TIPIN: variants seen among roughly 807,000 people sequenced by gnomAD.
TIPIN encodes TIMELESS interacting protein, also known as TIMELESS-interacting protein.
TIPIN carries 29 observed loss-of-function variants against 35.6 expected under a neutral mutation model. The observed-to-expected ratio is 0.82, with a 90% CI of 0.61 to 1.11. TIPIN has a LOEUF of 1.11. Ranked by LOEUF, TIPIN falls within the 50% of genes most tolerant of loss-of-function variation. TIPIN has a pLI of 0.00. For missense variants in TIPIN, 296 were observed against 345.4 expected, an observed-to-expected ratio of 0.86 and a Z score of 1.13; for synonymous variants, 102 against 121.5, an observed-to-expected ratio of 0.84 and a Z score of 1.06.
intron 6 of TIPIN, among the ~76,000 whole-genome samples, chr15:66,342,509 A>G (rs1202153945): frequency 6.6e-6 from 1 of 151,724 alleles, no homozygotes; most frequent in Non-Finnish European, 1.5e-5. Context: ...GATTACAGGC[A>G]CCCGCCACCA....
At chr15:66,337,250 C>CCTG in intron 7 of TIPIN, 69 bp from the exon 8 acceptor site, 1 of 1,271,214 alleles carries the variant, frequency 7.9e-7, no homozygotes, top group Non-Finnish European at 1.1e-6. Context: ...GAGTACAAAC[C>CCTG]TCTTCAAAAG....
intron 1 of TIPIN, chr15:66,382,362 A>G (rs2093321511): frequency 1.0e-6 from 1 of 985,160 alleles, no homozygotes; most frequent in African/African-American, 1.7e-5. Context: ...GGTCTGAGTT[A>G]AATGTACTCC....
At chr15:66,350,879 G>A (rs1163249837) in intron 4 of TIPIN, among the ~76,000 whole-genome samples, 5 of 146,372 alleles carry the variant, frequency 3.4e-5, no homozygotes, top group Admixed American at 7.0e-5. Context: ...AGCTGGCAGT[G>A]AGCCTAGATT....
intron 1 of TIPIN, among the ~76,000 whole-genome samples, chr15:66,362,380 C>T (rs980129070): frequency 5.9e-5 from 9 of 151,846 alleles, no homozygotes; most frequent in African/African-American, 1.9e-4. Flanking sequence ...TAGCAGGGAA[C>T]CCAGTCCACC....
Position 66,336,921 on chromosome 15 carries a change from C to T in TIPIN, c.*37G>A, listed in dbSNP as rs754033638. 1.8e-5 allele frequency: 28 copies of T among 1,575,076 alleles called. No homozygotes were observed. The South Asian group carries it at 2.6e-4, about 14-fold the overall frequency. ...ACATAGTAACGCCAAGCTTGCAGGA[C>T]GATGACTTAACAGATACATTTTCTC... On this transcript the variant is annotated 3_prime_UTR_variant, in exon 8 of 8. Coordinates refer to ENST00000261881, the MANE Select transcript of TIPIN (RefSeq NM_017858.3).
chr15:66,356,555 C>A, intron 1 of TIPIN, 84 bp downstream of exon 1: 1 of 955,222 alleles, frequency 1.0e-6, no homozygotes, highest in Non-Finnish European at 1.2e-6. Context: ...CTGTCTGGCT[C>A]CCTGGCTCTT....
chr15:66,369,999 A>G (rs1327544713), intron 1 of TIPIN, among the ~76,000 whole-genome samples: 1 of 152,192 alleles, frequency 6.6e-6, no homozygotes, highest in Non-Finnish European at 1.5e-5. Flanking sequence ...AACCCCAATT[A>G]TGACATGTAT....
intron 1 of TIPIN, among the ~76,000 whole-genome samples, chr15:66,372,097 T>C (rs72748399): frequency 1.2e-3 from 188 of 152,282 alleles, no homozygotes; most frequent in Non-Finnish European, 1.4e-3. Context: ...GCCTAGTTGG[T>C]AATTGTTTTA....
At chr15:66,379,193 T>C (rs1426974042) in intron 1 of TIPIN, 23 of 1,156,270 alleles carry the variant, frequency 2.0e-5, no homozygotes, top group African/African-American at 4.7e-5. Flanking sequence ...CTGGCCTTGA[T>C]TGCATCTTTG....
chr15:66,373,079 A>G (rs570631934), intron 1 of TIPIN, among the ~76,000 whole-genome samples: 1 of 152,294 alleles, frequency 6.6e-6, no homozygotes, highest in Non-Finnish European at 1.5e-5. Context: ...AGTAGGTTAC[A>G]CTATCTAGGT....
chr15:66,364,165 T>G (rs1012191368), intron 1 of TIPIN, among the ~76,000 whole-genome samples: 4 of 135,630 alleles, frequency 2.9e-5, no homozygotes, highest in Middle Eastern at 3.5e-3. Flanking sequence ...TTTCTTTTTT[T>G]TTTTTTTTTT....
chr15:66,374,706 A>G (rs1266190256), intron 1 of TIPIN, among the ~76,000 whole-genome samples: 1 of 151,976 alleles, frequency 6.6e-6, no homozygotes, highest in Admixed American at 6.6e-5. Flanking sequence ...CACCCTTCCA[A>G]GTAGCTGGGA....
intron 1 of TIPIN, among the ~76,000 whole-genome samples, chr15:66,362,520 A>G (rs1299077756): frequency 6.6e-6 from 1 of 152,048 alleles, no homozygotes; most frequent in African/African-American, 2.4e-5. Context: ...CTGGAGTTCG[A>G]GACCAGCCTG....
chr15:66,366,285 C>G (rs2093253904), intron 1 of TIPIN, among the ~76,000 whole-genome samples: 1 of 151,662 alleles, frequency 6.6e-6, no homozygotes, highest in Admixed American at 6.6e-5. Flanking sequence ...GAAACCCTGT[C>G]TCTACTAAAA....
intron 4 of TIPIN, 83 bp downstream of exon 4, chr15:66,351,442 C>G: frequency 2.0e-6 from 2 of 1,011,034 alleles, no homozygotes; most frequent in Non-Finnish European, 1.5e-6. Context: ...TTAAAGCATT[C>G]TGAGATTTCC....
At chr15:66,382,613 C>T (rs2093322307) in intron 1 of TIPIN, among the ~76,000 whole-genome samples, 1 of 151,990 alleles carries the variant, frequency 6.6e-6, no homozygotes, top group African/African-American at 2.4e-5. Context: ...GGGCTCAAGT[C>T]ATCCACCTGC....
At chr15:66,363,948 A>T (rs1222984955) in intron 1 of TIPIN, among the ~76,000 whole-genome samples, 2 of 150,888 alleles carry the variant, frequency 1.3e-5, no homozygotes, top group East Asian at 4.0e-4. Context: ...GCACCACTGC[A>T]CTCCAGCCTG....
At chr15:66,357,168 TC>T (rs2093209541), upstream of TIPIN, among the ~76,000 whole-genome samples, 1 of 152,048 alleles carries the variant, frequency 6.6e-6, no homozygotes, top group Non-Finnish European at 1.5e-5. Flanking sequence ...CAAGCGATCT[TC>T]CCACCTCAGC....
intron 1 of TIPIN, chr15:66,371,316 A>C (rs1425473238): frequency 1.0e-5 from 10 of 984,970 alleles, no homozygotes; most frequent in Non-Finnish European, 9.6e-6. Context: ...TAATTTAAAA[A>C]ACAGAAAAAT....
Sources: gnomAD v4.1 joint callset for allele counts (sites outside exome capture counted in the v4.1 genomes callset) on GRCh38, gnomAD v4.1.1 for gene constraint, MANE v1.5 for transcripts, NCBI Gene and HGNC (gene_info 2026-07-23, HGNC 2026-07-21) for gene names.